PHACTR2: variants seen among roughly 807,000 people sequenced by gnomAD.
The protein encoded by PHACTR2 is chromosome 6 open reading frame 56.
Under a neutral mutation model 76.0 loss-of-function variants are expected in PHACTR2, and 30 were observed. That is an observed-to-expected ratio of 0.39 (90% CI 0.30 to 0.54). PHACTR2 has a LOEUF of 0.54. Ranked by LOEUF, PHACTR2 falls within the 20% of genes least tolerant of loss-of-function variation. The pLI, the probability that PHACTR2 is intolerant of heterozygous loss-of-function variation, is 0.61. For synonymous variants in PHACTR2, 292 were observed against 292.5 expected (o/e 1.00, Z 0.02); for missense variants, 696 against 781.1 (o/e 0.89, Z 1.30).
chr6:143,758,568 C>T (rs560846553), intron 4 of PHACTR2, among the ~76,000 whole-genome samples: 3 of 152,258 alleles, frequency 2.0e-5, no homozygotes, highest in South Asian at 4.1e-4. Context: ...TTAAGACTGG[C>T]TGAGTTAAGA....
rs140483020 is a variant in PHACTR2 at position 143,721,134 on chromosome 6, G to A, written c.214+8951G>A. Among the ~76,000 whole-genome samples the A allele has an allele frequency of 3.5e-3, 538 of 152,262 alleles. 3 individuals carry two copies. Among genetic ancestry groups the A allele is most frequent in the African/African-American group, 0.012 (485 of 41,548 alleles). Reference sequence around the variant, plus strand: ...TCATGGAGTTCCAGTTTAGAATGGCGCATATGTTGGTGTTTTCTGGTGGAC... The same window carrying A: ...TCATGGAGTTCCAGTTTAGAATGGCACATATGTTGGTGTTTTCTGGTGGAC... On this transcript the variant is annotated intron_variant, in intron 2 of 12. Coordinates refer to ENST00000440869, the MANE Select transcript of PHACTR2 (RefSeq NM_001100164.2).
intron 11 of PHACTR2, among the ~76,000 whole-genome samples, chr6:143,790,155 G>T (rs900325459): frequency 6.6e-6 from 1 of 152,184 alleles, no homozygotes; most frequent in Non-Finnish European, 1.5e-5. Context: ...GAGAATTTGG[G>T]CTCTGAAGTA....
In PHACTR2 at chr6:143,749,062, C is replaced by G; in HGVS notation, c.292C>G (p.Gln98Glu). The change falls in exon 3 of 13, where the codon CAA becomes GAA. Residue 98 changes from glutamine (Q) to glutamate (E), a missense_variant. Coordinates refer to ENST00000440869, the MANE Select transcript of PHACTR2 (RefSeq NM_001100164.2). Reference protein sequence around the residue: ...RRGVLKELPDQDGDVTVNFEN... With the variant: ...RRGVLKELPDEDGDVTVNFEN... ...GGGAGTGCTTAAGGAATTGCCTGAT[C>G]AAGGTGAGGAAATTAATCATACATT... 2.0e-6 allele frequency: 3 copies of G among 1,507,856 alleles called. No individual in the cohort carries two copies. The highest frequency in any genetic ancestry group is 1.7e-5 in the Admixed American group (1 of 59,474). The allele number at this position is 1,507,856 out of a possible 1,614,324, so 93.4% of individuals were successfully genotyped here. A position where few individuals can be genotyped will look rare whatever the true frequency, so the allele number is the denominator to read the frequency against.
At chr6:143,604,828 G>T (rs1307386925), upstream of PHACTR2, among the ~76,000 whole-genome samples, 2 of 150,670 alleles carry the variant, frequency 1.3e-5, no homozygotes, top group Non-Finnish European at 3.0e-5. Flanking sequence ...GGAGGTGGAG[G>T]TTGCAGTGAA....
intron 2 of PHACTR2, among the ~76,000 whole-genome samples, chr6:143,713,592 G>A (rs1371379359): frequency 6.6e-6 from 1 of 152,202 alleles, no homozygotes; most frequent in East Asian, 1.9e-4. Flanking sequence ...GCTGTGTGAG[G>A]ACACCCGGCT....
At chr6:143,706,806 G>A (rs548158744) in intron 1 of PHACTR2, among the ~76,000 whole-genome samples, 104 of 152,342 alleles carry the variant, frequency 6.8e-4, no homozygotes, top group African/African-American at 2.3e-3. Context: ...GGCTGCCTTA[G>A]AAACCATGAT....
At chr6:143,632,624 G>A (rs1480780215) in intron 1 of PHACTR2, among the ~76,000 whole-genome samples, 1 of 152,102 alleles carries the variant, frequency 6.6e-6, no homozygotes, top group African/African-American at 2.4e-5. Flanking sequence ...CAACATTAGG[G>A]TTCACTCTTG....
chr6:143,792,032 G>A (rs1007375475), intron 11 of PHACTR2, among the ~76,000 whole-genome samples: 5 of 151,914 alleles, frequency 3.3e-5, no homozygotes, highest in Non-Finnish European at 7.4e-5. Flanking sequence ...TTACACTGAG[G>A]GTATGCCATT....
At chr6:143,694,718 C>T (rs954651104) in intron 1 of PHACTR2, among the ~76,000 whole-genome samples, 1 of 152,152 alleles carries the variant, frequency 6.6e-6, no homozygotes, top group African/African-American at 2.4e-5. Context: ...AAAGTCAGAA[C>T]AAGAATGTTC....
chr6:143,712,041 A>G lies in PHACTR2; in HGVS notation c.72A>G (p.Ile24Met). 1 of 1,591,872 alleles carries G rather than the reference A, an allele frequency of 6.3e-7. No homozygotes were observed. Among genetic ancestry groups the G allele is most frequent in the African/African-American group, 1.4e-5 (1 of 73,650 alleles). The change falls in exon 2 of 13, where the codon ATA becomes ATG. Residue 24 changes from isoleucine (I) to methionine (M), a missense_variant. Transcript: ENST00000440869. The part of the protein sequence containing the change: ...GSVDGLDKAS[I>M]ANSDGPTAGS... ...TTGACGGACTGGACAAAGCTTCTAT[A>G]GCAAACTCAGATGGCCCCACAGCAG...
chr6:143,787,207 C>T lies in PHACTR2; in HGVS notation c.1708-1566C>T, dbSNP rs1460191733. Reference sequence around the variant, plus strand: ...GGTCAGCCCGTAGCACTGGTAGCTACCCCATGACTGGGACAGTCCTGAGGA... The same window carrying T: ...GGTCAGCCCGTAGCACTGGTAGCTATCCCATGACTGGGACAGTCCTGAGGA... On this transcript the variant is annotated intron_variant, in intron 10 of 12. Transcript: ENST00000440869. This position sits in a 1 kb window ranked among gnomAD's most constrained non-coding sequence, Gnocchi z 4.6. Among the ~76,000 whole-genome samples, 20 of 152,242 alleles carry T rather than the reference C, an allele frequency of 1.3e-4. No individual in the cohort carries two copies. The highest frequency in any genetic ancestry group is 1.3e-3 in the Admixed American group (20 of 15,282).
At position 143,774,733 on chromosome 6, in the gene PHACTR2, A is replaced by T. The variant is rs938418654; in HGVS notation, c.1589+518A>T. 6.6e-6 allele frequency among the ~76,000 whole-genome samples: 1 copy of T among 152,170 alleles called. No homozygotes were observed. The highest frequency in any genetic ancestry group is 6.5e-5 in the Admixed American group (1 of 15,280). On this transcript the variant is annotated intron_variant, in intron 8 of 12. Coordinates refer to ENST00000440869, the MANE Select transcript of PHACTR2 (RefSeq NM_001100164.2). This position sits in a 1 kb window ranked among gnomAD's most constrained non-coding sequence, Gnocchi z 5.4. ...ACTGCAGAAATATTATTTGCCTTCAATGGTCTGCCTCCATCCAAGTCAGGT... is the reference window on the plus strand; with the variant it reads ...ACTGCAGAAATATTATTTGCCTTCATTGGTCTGCCTCCATCCAAGTCAGGT...
intron 2 of PHACTR2, among the ~76,000 whole-genome samples, chr6:143,732,019 CCT>C (rs1315524561): frequency 6.6e-6 from 1 of 152,158 alleles, no homozygotes; most frequent in Admixed American, 6.5e-5. Context: ...TAACCAACTG[CCT>C]TATCTCCTTC....
In PHACTR2 at chr6:143,765,477, G is replaced by C; in HGVS notation, c.911G>C (p.Gly304Ala). 1.2e-6 allele frequency: 2 copies of C among 1,614,238 alleles called. No homozygotes were observed. The highest frequency in any genetic ancestry group is 1.7e-6 in the Non-Finnish European group (2 of 1,180,040). ...TTTSGTSDLK[G>A]EPAETRVESF... is the part of the protein sequence containing the mutation. ...ACTTCTGGCACATCCGACCTGAAAG[G>C]AGAGCCTGCAGAGACCAGAGTGGAG... Residue 304 changes from glycine to alanine, a missense_variant, in exon 6 of 13, where the codon GGA becomes GCA. Coordinates refer to ENST00000440869, the MANE Select transcript of PHACTR2 (RefSeq NM_001100164.2). This position sits in a 1 kb window ranked among gnomAD's most constrained non-coding sequence, Gnocchi z 4.1.
intron 1 of PHACTR2, among the ~76,000 whole-genome samples, chr6:143,632,907 G>A (rs1438797608): frequency 6.6e-6 from 1 of 152,100 alleles, no homozygotes; most frequent in Admixed American, 6.6e-5. Flanking sequence ...ATGCACTTAA[G>A]GTTCCTCCAT....
Position 143,695,039 on chromosome 6 carries a change from C to T in PHACTR2, c.46+16830C>T, listed in dbSNP as rs1777740236. 6.6e-6 allele frequency among the ~76,000 whole-genome samples: 1 copy of T among 152,172 alleles called. No homozygotes were observed. Among genetic ancestry groups the T allele is most frequent in the Non-Finnish European group, 1.5e-5 (1 of 68,020 alleles). On this transcript the variant is annotated intron_variant, in intron 1 of 12. Transcript: ENST00000440869. The surrounding 1 kb of genome is among the most constrained non-coding windows in gnomAD (Gnocchi z 4.4). ...TAAGCACACAAATAAGAATTGGGTG[C>T]ATCAGAATCTAGTGACCCTAGGTCC...
chr6:143,628,526 T>G (rs750730946), intron 1 of PHACTR2, among the ~76,000 whole-genome samples: 4 of 152,146 alleles, frequency 2.6e-5, no homozygotes, highest in Non-Finnish European at 5.9e-5. Context: ...TCTTCTCATC[T>G]CAGACCTCTG....
At chr6:143,637,944 A>G (rs552174252) in intron 1 of PHACTR2, among the ~76,000 whole-genome samples, 1 of 152,246 alleles carries the variant, frequency 6.6e-6, no homozygotes, top group South Asian at 2.1e-4. Context: ...GGAGAGGATT[A>G]CACAAAGGCT....
rs959550730 is a variant in PHACTR2 at position 143,684,095 on chromosome 6, A to G, written c.46+5886A>G. Among the ~76,000 whole-genome samples, 1 of 152,170 alleles carries G rather than the reference A, an allele frequency of 6.6e-6. No homozygotes were observed. The highest frequency in any genetic ancestry group is 2.4e-5 in the African/African-American group (1 of 41,428). On this transcript the variant is annotated intron_variant, in intron 1 of 12. Transcript: ENST00000440869. The surrounding 1 kb of genome is among the most constrained non-coding windows in gnomAD (Gnocchi z 4.3). ...TTAATATTGTTCCTGGGTTCTTTGC[A>G]TATGTATATGCTCTTATGAACAATA...
Sources: gnomAD v4.1 joint callset for allele counts (sites outside exome capture counted in the v4.1 genomes callset) on GRCh38, gnomAD v4.1.1 for gene constraint, Gnocchi (gnomAD v3.1) non-coding constraint, MANE v1.5 for transcripts, NCBI Gene and HGNC (gene_info 2026-07-23, HGNC 2026-07-21) for gene names.